Variants in NMUR1 observed in about 807,000 individuals in gnomAD.
The protein encoded by NMUR1 is neuromedin U receptor 1, also known as neuromedin-U receptor 1.
A neutral mutation model predicts 18.8 loss-of-function variants in NMUR1; 16 were observed. That is an observed-to-expected ratio of 0.85 (90% CI 0.58 to 1.29). NMUR1 has a LOEUF of 1.29. NMUR1 is among the 50% of genes most tolerant of loss of function. The pLI is 0.00. For synonymous variants in NMUR1, 258 were observed against 258.2 expected, an observed-to-expected ratio of 1.00 and a Z score of 0.01; for missense variants, 529 against 580.3, an observed-to-expected ratio of 0.91 and a Z score of 0.91.
In NMUR1 at chr2:231,528,214, G is replaced by A; in HGVS notation, c.807C>T (p.Ala269=). The A allele has an allele frequency of 6.2e-7, 1 of 1,611,586 alleles. No homozygotes were observed. The highest frequency in any genetic ancestry group is 8.5e-7 in the Non-Finnish European group (1 of 1,179,026). Residue 269 remains alanine, a synonymous_variant, in exon 2 of 3, where the codon GCC becomes GCT. Transcript: ENST00000305141. ...RRERLLLMQE[A]KGRGSAAARS... The stretch of plus-strand genomic sequence containing the variant: ...TGGCTGCTGCAGAGCCCCTGCCCTT[G>A]GCCTCCTGCATGAGCAGCAGCCTCT...
Position 231,525,361 on chromosome 2 carries a change from G to A in NMUR1, c.963C>T (p.Ser321=), listed in dbSNP as rs757098953. 1.6e-5 allele frequency: 26 copies of A among 1,613,970 alleles called. No individual in the cohort carries two copies. Among genetic ancestry groups the A allele is most frequent in the East Asian group, 6.7e-5 (3 of 44,894 alleles). The change falls in exon 3 of 3, where the codon AGC becomes AGT. Residue 321 remains serine (S), a synonymous_variant. Transcript: ENST00000305141. The part of the protein sequence containing the change: ...APFHADRVMW[S]VVSQWTDGLH... The stretch of plus-strand genomic sequence containing the variant: ...GGCCATCTGTCCACTGTGACACGAC[G>A]CTCCACATGACGCGGTCGGCGTGGA...
In NMUR1 at chr2:231,525,246, A is replaced by C. The variant is rs769019534; in HGVS notation, c.1078T>G (p.Ser360Ala). ...TGGAAGGTCTCTCGGAAGCGGCTGG[A>C]CATGAGGCTATAGAGCACGGGGTTG... Reference protein sequence around the residue: ...AANPVLYSLMSSRFRETFQEA... With the variant: ...AANPVLYSLMASRFRETFQEA... Residue 360 changes from serine to alanine, a missense_variant, in exon 3 of 3, where the codon TCC (serine) becomes GCC (alanine). Ser to Ala is a moderately conservative substitution (Grantham distance 99). Transcript: ENST00000305141. The C allele has an allele frequency of 1.2e-6, 2 of 1,614,038 alleles. No homozygotes were observed. Among genetic ancestry groups the C allele is most frequent in the East Asian group, 4.5e-5 (2 of 44,886 alleles).
At chr2:231,525,458 G>A (rs550953988) in intron 2 of NMUR1, 33 bp from the exon 3 acceptor site, 69 of 1,568,908 alleles carry the variant, frequency 4.4e-5, no homozygotes, top group Admixed American at 2.2e-4. Flanking sequence ...CCGAGTGCCC[G>A]CCCGAGGCCC....
At chr2:231,526,995 G>A (rs577642043) in intron 2 of NMUR1, among the ~76,000 whole-genome samples, 4 of 152,234 alleles carry the variant, frequency 2.6e-5, no homozygotes, top group East Asian at 1.9e-4. Flanking sequence ...TCACAGACAC[G>A]CCTCGGGATG....
chr2:231,530,231 C>A, intron 1 of NMUR1, 128 bp downstream of exon 1: 1 of 1,164,616 alleles, frequency 8.6e-7, no homozygotes, highest in South Asian at 1.5e-5. Flanking sequence ...TGCGAGGCTC[C>A]CCGGTGGCGG....
chr2:231,525,081 C>G lies in NMUR1; in HGVS notation c.1243G>C (p.Asp415His), dbSNP rs1008123206. Residue 415 changes from aspartate (D) to histidine (H), a missense_variant, in exon 3 of 3, where the codon GAT becomes CAT. Coordinates refer to ENST00000305141, the MANE Select transcript of NMUR1 (RefSeq NM_006056.5). ...GTCTCTTGCTGCGCCTCTGGGCCATCGTTCCCAGCCAGGGGGTGGACCCAG... is the reference window on the plus strand; with the variant it reads ...GTCTCTTGCTGCGCCTCTGGGCCATGGTTCCCAGCCAGGGGGTGGACCCAG... ...GSWVHPLAGN[D>H]GPEAQQETDP... 7 of 1,601,684 alleles carry G rather than the reference C, an allele frequency of 4.4e-6. No homozygotes were observed. The African/African-American group carries it at 9.4e-5, about 21-fold the overall frequency.
Position 231,525,379 on chromosome 2 carries a change from G to A in NMUR1, c.945C>T (p.Ala315=), listed in dbSNP as rs2047346220. 6 of 1,613,734 alleles carry A rather than the reference G, an allele frequency of 3.7e-6. No individual in the cohort carries two copies. The highest frequency in any genetic ancestry group is 2.2e-5 in the East Asian group (1 of 44,892). ...ACACGACGCTCCACATGACGCGGTC[G>A]GCGTGGAACGGGGCCCAGCAGATGC... is the stretch of plus-strand genomic sequence containing the variant. The part of the protein sequence containing the change: ...VFGICWAPFH[A]DRVMWSVVSQ... Residue 315 remains alanine, a synonymous_variant, in exon 3 of 3, where the codon GCC becomes GCT. Transcript: ENST00000305141.
downstream of NMUR1, among the ~76,000 whole-genome samples, chr2:231,518,530 G>C (rs2047284675): frequency 6.6e-6 from 1 of 152,182 alleles, no homozygotes; most frequent in African/African-American, 2.4e-5. Flanking sequence ...AAATTGAAGG[G>C]GGGTAATATG....
chr2:231,524,101 TAAC>T lies in NMUR1; in HGVS notation c.*939_*941del, dbSNP rs1385547855. ...TTGGGGTTGATAAAGATGCAGATAA[TAAC>T]TTCCGCCCTTTCAGTCTGAGGGTAT... On this transcript the variant is annotated 3_prime_UTR_variant, in exon 3 of 3. Coordinates refer to ENST00000305141, the MANE Select transcript of NMUR1 (RefSeq NM_006056.5). 6.6e-5 allele frequency: 10 copies of T among 152,342 alleles called. No individual in the cohort carries two copies. Among genetic ancestry groups the T allele is most frequent in the African/African-American group, 1.9e-4 (8 of 41,554 alleles). The allele number at this position is 152,342 out of a possible 1,614,324, so 9.4% of individuals were successfully genotyped here.
At chr2:231,530,276 T>C in intron 1 of NMUR1, 83 bp downstream of exon 1, 1 of 1,466,320 alleles carries the variant, frequency 6.8e-7, no homozygotes, top group South Asian at 1.2e-5. Flanking sequence ...CCTCGGACCC[T>C]TCCCGCCCTA....
intron 1 of NMUR1, 108 bp downstream of exon 1, chr2:231,530,251 G>T: frequency 7.6e-7 from 1 of 1,311,326 alleles, no homozygotes; most frequent in Non-Finnish European, 1.0e-6. Context: ...GGGACGGGGG[G>T]CACCCCGACG....
chr2:231,527,973 G>GACACACACACACACACAC (rs57357206), intron 2 of NMUR1, 150 bp downstream of exon 2: 112 of 573,146 alleles, frequency 2.0e-4, no homozygotes, highest in East Asian at 1.8e-3. Flanking sequence ...GTGCAACTCA[G>GACACACACACACACACAC]ACACACACAC....
At chr2:231,521,984 T>C (rs1159352934), downstream of NMUR1, among the ~76,000 whole-genome samples, 2 of 145,248 alleles carry the variant, frequency 1.4e-5, no homozygotes, top group African/African-American at 5.1e-5. Flanking sequence ...TTTTTTTTTT[T>C]TTTTTTTTTT....
In NMUR1 at chr2:231,530,412, C is replaced by T. The variant is rs1559172809; in HGVS notation, c.-51G>A. The T allele has an allele frequency of 6.8e-7, 1 of 1,467,862 alleles. No homozygotes were observed. The highest frequency in any genetic ancestry group is 2.4e-5 in the Admixed American group (1 of 41,274). 90.9% of individuals were successfully genotyped at this position (1,467,862 alleles called of 1,614,324 possible). ...GCTTCCACCCTCCGAGCGACGGACA[C>T]AGACGCGGCGCGGGAGCCAGTGGAC... is the stretch of plus-strand genomic sequence containing the variant. On this transcript the variant is annotated 5_prime_UTR_variant, in exon 1 of 3. In the 5' UTR this introduces an upstream ATG that the reference lacks. Coordinates refer to ENST00000305141, the MANE Select transcript of NMUR1 (RefSeq NM_006056.5).
At chr2:231,521,392 T>G (rs2047302772), downstream of NMUR1, among the ~76,000 whole-genome samples, 1 of 152,028 alleles carries the variant, frequency 6.6e-6, no homozygotes, top group Non-Finnish European at 1.5e-5. Flanking sequence ...AATAAAAGAA[T>G]AAATGTGTCA....
At chr2:231,530,318 A>AG in intron 1 of NMUR1, 41 bp downstream of exon 1, 1 of 1,498,656 alleles carries the variant, frequency 6.7e-7, no homozygotes, top group Non-Finnish European at 8.8e-7. Context: ...GCCCCGGCCC[A>AG]GCTGCCGCGC....
At chr2:231,525,844 A>G (rs1394403092) in intron 2 of NMUR1, among the ~76,000 whole-genome samples, 1 of 152,232 alleles carries the variant, frequency 6.6e-6, no homozygotes, top group Non-Finnish European at 1.5e-5. Flanking sequence ...GCATAAGTAC[A>G]GAAAAGAAGA....
chr2:231,526,169 T>G (rs1471538874), intron 2 of NMUR1, among the ~76,000 whole-genome samples: 1 of 152,196 alleles, frequency 6.6e-6, no homozygotes, highest in African/African-American at 2.4e-5. Context: ...TGCCTTGTTC[T>G]TACCCAACTA....
intron 2 of NMUR1, 86 bp from the exon 3 acceptor site, chr2:231,525,511 A>T (rs1236563804): frequency 6.9e-7 from 1 of 1,452,262 alleles, no homozygotes. Flanking sequence ...ACCCATTTTC[A>T]CATCCTCTCC....
Sources: allele counts gnomAD v4.1 joint callset (sites outside exome capture counted in the v4.1 genomes callset), GRCh38; gene constraint gnomAD v4.1.1; transcripts MANE v1.5; gene names NCBI Gene and HGNC (gene_info 2026-07-23, HGNC 2026-07-21).